The following MGAT4C variants were observed in gnomAD, a reference collection of about 807,000 sequenced individuals.
The protein encoded by MGAT4C is MGAT4 family member C.
Under a neutral mutation model 40.1 loss-of-function variants are expected in MGAT4C, and 19 were observed. That is an observed-to-expected ratio of 0.47 (90% confidence interval 0.33 to 0.70). The LOEUF (loss-of-function observed/expected upper bound fraction) is 0.70, where lower values mean the gene tolerates loss of function less well. Among genes scored for constraint, MGAT4C ranks in the 30% least tolerant of loss-of-function variants. The pLI is 0.02. For synonymous variants in MGAT4C, 181 were observed against 187.1 expected, an observed-to-expected ratio of 0.97 and a Z score of 0.27; for missense variants, 491 against 563.2, an observed-to-expected ratio of 0.87 and a Z score of 1.30.
chr12:86,793,167 A>G (rs1475986309), intron 1 of MGAT4C, among the ~76,000 whole-genome samples: 1 of 152,152 alleles, frequency 6.6e-6, no homozygotes, highest in East Asian at 1.9e-4. Context: ...TTTTTATTTG[A>G]TTAGCAATTA....
chr12:86,023,308 A>AT (rs1889942549), intron 2 of MGAT4C, among the ~76,000 whole-genome samples: 1 of 151,882 alleles, frequency 6.6e-6, no homozygotes, highest in African/African-American at 2.4e-5. Context: ...GTATTGATTT[A>AT]TTTTTCTCTT....
intron 2 of MGAT4C, among the ~76,000 whole-genome samples, chr12:86,634,934 C>T (rs1368788095): frequency 6.6e-6 from 1 of 151,992 alleles, no homozygotes; most frequent in Non-Finnish European, 1.5e-5. Flanking sequence ...AGGGTGTGTC[C>T]CACACACAAA....
At chr12:85,983,800 A>G (rs1884903314) in intron 3 of MGAT4C, 130 bp from the exon 4 acceptor site, 1 of 683,194 alleles carries the variant, frequency 1.5e-6, no homozygotes, top group East Asian at 3.2e-5. Context: ...AATCTCAACT[A>G]CTGACGTCAT....
intron 2 of MGAT4C, among the ~76,000 whole-genome samples, chr12:86,514,341 T>TA (rs1958647080): frequency 6.6e-6 from 1 of 152,126 alleles, no homozygotes; most frequent in Admixed American, 6.5e-5. Flanking sequence ...TGCTTTAATT[T>TA]AAAAAATGCC....
At chr12:86,537,673 G>C (rs150411621) in intron 2 of MGAT4C, among the ~76,000 whole-genome samples, 21 of 152,252 alleles carry the variant, frequency 1.4e-4, no homozygotes, top group African/African-American at 4.8e-4. Context: ...TATTTGTTGA[G>C]TGAACGCCTC....
At chr12:86,630,800 T>C (rs1376578858) in intron 2 of MGAT4C, among the ~76,000 whole-genome samples, 1 of 152,186 alleles carries the variant, frequency 6.6e-6, no homozygotes, top group Admixed American at 6.5e-5. Context: ...AGTATCATAC[T>C]GAATGGGCAA....
At chr12:86,570,360 G>C (rs1960312843) in intron 2 of MGAT4C, among the ~76,000 whole-genome samples, 7 of 151,994 alleles carry the variant, frequency 4.6e-5, no homozygotes, top group Admixed American at 4.6e-4. Context: ...TAGACATTCA[G>C]AAAGGTATGA....
chr12:86,554,280 T>C (rs959404673), intron 2 of MGAT4C, among the ~76,000 whole-genome samples: 4 of 152,200 alleles, frequency 2.6e-5, no homozygotes, highest in African/African-American at 9.6e-5. Flanking sequence ...CACTGCTGCA[T>C]GCTCTCTATC....
At chr12:86,288,779 T>C (rs866624875) in intron 4 of MGAT4C, among the ~76,000 whole-genome samples, 47 of 152,230 alleles carry the variant, frequency 3.1e-4, no homozygotes, top group African/African-American at 1.0e-3. Flanking sequence ...CCTTGTAAAT[T>C]TGTTTAAGCT....
chr12:86,600,109 G>A (rs1961709038), intron 2 of MGAT4C, among the ~76,000 whole-genome samples: 1 of 152,104 alleles, frequency 6.6e-6, no homozygotes, highest in African/African-American at 2.4e-5. Context: ...GAATGCTAAG[G>A]GAACGTCACC....
chr12:86,508,304 C>G (rs1013229989), intron 2 of MGAT4C, among the ~76,000 whole-genome samples: 2 of 151,806 alleles, frequency 1.3e-5, no homozygotes, highest in African/African-American at 4.8e-5. Context: ...TGAGAACATG[C>G]GGTGTTTGGT....
At chr12:86,723,014 A>G (rs1950761255) in intron 2 of MGAT4C, among the ~76,000 whole-genome samples, 1 of 152,194 alleles carries the variant, frequency 6.6e-6, no homozygotes, top group Admixed American at 6.5e-5. Flanking sequence ...ACAGAGACAT[A>G]TGTGCAATAC....
chr12:86,725,977 T>A (rs1360555104), intron 2 of MGAT4C, among the ~76,000 whole-genome samples: 1 of 152,198 alleles, frequency 6.6e-6, no homozygotes, highest in Non-Finnish European at 1.5e-5. Context: ...ATAGAATACT[T>A]ATGAATATTA....
intron 2 of MGAT4C, among the ~76,000 whole-genome samples, chr12:86,509,923 C>A (rs2136346464): frequency 6.6e-6 from 1 of 152,254 alleles, no homozygotes; most frequent in Non-Finnish European, 1.5e-5. Flanking sequence ...TATCCTGAGA[C>A]TTTGCTGAAG....
chr12:86,524,217 T>C (rs1958842277), intron 2 of MGAT4C, among the ~76,000 whole-genome samples: 1 of 152,206 alleles, frequency 6.6e-6, no homozygotes, highest in African/African-American at 2.4e-5. Context: ...GTTTTTGTAG[T>C]GGCTGATAAT....
intron 3 of MGAT4C, among the ~76,000 whole-genome samples, chr12:86,430,945 G>T (rs1160778063): frequency 6.6e-6 from 1 of 152,168 alleles, no homozygotes; most frequent in Non-Finnish European, 1.5e-5. Flanking sequence ...GAAGTTCCTT[G>T]CCTGGGCAAA....
chr12:86,020,044 A>G (rs1046743105), intron 2 of MGAT4C, among the ~76,000 whole-genome samples: 24 of 152,276 alleles, frequency 1.6e-4, no homozygotes, highest in African/African-American at 5.3e-4. Flanking sequence ...TTGATTTTGT[A>G]TCCTGAGACT....
chr12:86,254,352 C>G (rs991823170), intron 1 of MGAT4C, among the ~76,000 whole-genome samples: 1 of 151,900 alleles, frequency 6.6e-6, no homozygotes, highest in South Asian at 2.1e-4. Flanking sequence ...CAGTCACCAT[C>G]AATGTAGTGC....
intron 1 of MGAT4C, among the ~76,000 whole-genome samples, chr12:86,772,858 G>T (rs540562537): frequency 6.6e-6 from 1 of 152,116 alleles, no homozygotes; most frequent in Admixed American, 6.6e-5. Flanking sequence ...GTTCACAGCT[G>T]GAGAGTAATT....
Sources: allele counts gnomAD v4.1 joint callset (sites outside exome capture counted in the v4.1 genomes callset), GRCh38; gene constraint gnomAD v4.1.1; transcripts MANE v1.5; gene names NCBI Gene and HGNC (gene_info 2026-07-23, HGNC 2026-07-21).